The following MIR2052HG variants were observed in gnomAD, a reference collection of about 807,000 sequenced individuals.
MIR2052HG encodes MIR2052 host gene.
intron 4 of MIR2052HG, among the ~76,000 whole-genome samples, chr8:74,709,105 T>A (rs1809441335): frequency 6.6e-6 from 1 of 152,128 alleles, no homozygotes; most frequent in Admixed American, 6.6e-5. Flanking sequence ...TCAGATGGTG[T>A]TTGCTAAGTG....
At chr8:74,642,203 A>T (rs147915660) in intron 2 of MIR2052HG, among the ~76,000 whole-genome samples, 1 of 151,958 alleles carries the variant, frequency 6.6e-6, no homozygotes, top group African/African-American at 2.4e-5. Context: ...TTTTTTTTCT[A>T]ATTCCACAGT....
At chr8:74,670,695 A>C (rs1280153921) in intron 2 of MIR2052HG, among the ~76,000 whole-genome samples, 1 of 152,166 alleles carries the variant, frequency 6.6e-6, no homozygotes. Flanking sequence ...TATTTCAGGA[A>C]GTTGGTATAT....
chr8:74,666,892 C>T (rs938755876), intron 2 of MIR2052HG, among the ~76,000 whole-genome samples: 16 of 152,190 alleles, frequency 1.1e-4, no homozygotes, highest in African/African-American at 3.9e-4. Context: ...TGGGATTTCT[C>T]ATGAGGCTGT....
chr8:74,600,048 C>G (rs4475452), intron 1 of MIR2052HG: 63,912 of 150,630 alleles, frequency 0.42, 13,055 homozygotes, highest in East Asian at 0.65. Context: ...TGACCCCTTG[C>G]GCTTCCCAAG....
intron 2 of MIR2052HG, among the ~76,000 whole-genome samples, chr8:74,642,414 C>T (rs1808648482): frequency 6.6e-6 from 1 of 152,012 alleles, no homozygotes; most frequent in Non-Finnish European, 1.5e-5. Flanking sequence ...TTGTTGAGTA[C>T]TGAGTGCCAG....
intron 4 of MIR2052HG, among the ~76,000 whole-genome samples, chr8:74,739,040 A>C (rs1809799732): frequency 1.3e-5 from 2 of 152,226 alleles, no homozygotes; most frequent in South Asian, 4.1e-4. Flanking sequence ...AAGTTCATTA[A>C]AGGGAGGGGA....
chr8:74,667,408 A>G (rs965531290), intron 2 of MIR2052HG, among the ~76,000 whole-genome samples: 3 of 152,228 alleles, frequency 2.0e-5, no homozygotes, highest in African/African-American at 7.2e-5. Flanking sequence ...CTTGAAATTT[A>G]GCTGGTCCTA....
chr8:74,605,201 T>C (rs1808093734), intron 1 of MIR2052HG, among the ~76,000 whole-genome samples: 1 of 152,154 alleles, frequency 6.6e-6, no homozygotes. Flanking sequence ...TAGGTTGCCA[T>C]TACTTGCATG....
chr8:74,661,992 A>G (rs538595498), intron 2 of MIR2052HG, among the ~76,000 whole-genome samples: 157 of 152,366 alleles, frequency 1.0e-3, no homozygotes, highest in African/African-American at 3.8e-3. Flanking sequence ...AGGTTTATCT[A>G]TCATAGCACT....
At chr8:74,652,389 G>A (rs774794898) in intron 2 of MIR2052HG, among the ~76,000 whole-genome samples, 8 of 152,118 alleles carry the variant, frequency 5.3e-5, no homozygotes, top group Non-Finnish European at 1.2e-4. Flanking sequence ...TTTTAAAAGG[G>A]AGCCTGTATC....
At chr8:74,668,717 AGCCACCTCT>A (rs1270952460) in intron 2 of MIR2052HG, among the ~76,000 whole-genome samples, 1 of 152,188 alleles carries the variant, frequency 6.6e-6, no homozygotes, top group Non-Finnish European at 1.5e-5. Context: ...ATGAGTTATC[AGCCACCTCT>A]TGGAACTGCC....
chr8:74,674,152 G>C (rs868718792), intron 2 of MIR2052HG, among the ~76,000 whole-genome samples: 2,608 of 151,540 alleles, frequency 0.017, 36 homozygotes, highest in African/African-American at 0.035. Flanking sequence ...GTGTGTGTGT[G>C]TGTGTGTGTG....
At chr8:74,754,004 A>G (rs1223644322) in intron 5 of MIR2052HG, among the ~76,000 whole-genome samples, 2 of 152,230 alleles carry the variant, frequency 1.3e-5, no homozygotes, top group Non-Finnish European at 2.9e-5. Flanking sequence ...CAAAGGGAGA[A>G]GCATCATAGA....
chr8:74,609,192 A>G (rs1808154887), intron 1 of MIR2052HG, among the ~76,000 whole-genome samples: 2 of 152,108 alleles, frequency 1.3e-5, no homozygotes, highest in South Asian at 4.1e-4. Flanking sequence ...AAATTTGACT[A>G]CTTACAAGAA....
At chr8:74,673,071 G>C (rs1809009806) in intron 2 of MIR2052HG, among the ~76,000 whole-genome samples, 1 of 151,960 alleles carries the variant, frequency 6.6e-6, no homozygotes, top group South Asian at 2.1e-4. Context: ...AGTTAGTAAA[G>C]AAAGAAGAGG....
At chr8:74,725,887 G>T (rs990253008) in intron 4 of MIR2052HG, among the ~76,000 whole-genome samples, 1 of 145,386 alleles carries the variant, frequency 6.9e-6, no homozygotes, top group South Asian at 2.3e-4. Flanking sequence ...GGGCTGTTAT[G>T]AGGAGTGGGA....
intron 4 of MIR2052HG, among the ~76,000 whole-genome samples, chr8:74,710,096 G>C (rs1188242313): frequency 6.6e-6 from 1 of 152,100 alleles, no homozygotes; most frequent in Non-Finnish European, 1.5e-5. Context: ...GCCCATCTAA[G>C]TAGCGATTTT....
At chr8:74,697,427 G>A (rs1239768494) in intron 2 of MIR2052HG, among the ~76,000 whole-genome samples, 1 of 152,094 alleles carries the variant, frequency 6.6e-6, no homozygotes, top group African/African-American at 2.4e-5. Flanking sequence ...AGACAAGGAT[G>A]CCCACTTTTA....
intron 4 of MIR2052HG, among the ~76,000 whole-genome samples, chr8:74,716,616 A>G (rs904202858): frequency 6.6e-6 from 1 of 152,152 alleles, no homozygotes; most frequent in African/African-American, 2.4e-5. Flanking sequence ...AGGCTGAGGC[A>G]GGAGAATTGC....
Sources: allele counts gnomAD v4.1 joint callset (sites outside exome capture counted in the v4.1 genomes callset), GRCh38; gene constraint gnomAD v4.1.1; transcripts MANE v1.5; gene names NCBI Gene and HGNC (gene_info 2026-07-23, HGNC 2026-07-21).